DDX4: variants seen among roughly 807,000 people sequenced by gnomAD.
DDX4 encodes DEAD-box helicase 4.
In DDX4, 25 loss-of-function variants were observed where a neutral mutation model predicts 100.0. That is an observed-to-expected ratio of 0.25 (90% CI 0.18 to 0.35). The LOEUF is 0.35. Among genes scored for constraint, DDX4 ranks in the 10% least tolerant of loss-of-function variants. The probability of loss-of-function intolerance (pLI) is 1.00; values close to 1 mark genes in which losing one functional copy is unlikely to be tolerated. For synonymous variants in DDX4, 259 were observed against 275.7 expected, an observed-to-expected ratio of 0.94 and a Z score of 0.60; for missense variants, 635 against 882.4, an observed-to-expected ratio of 0.72 and a Z score of 3.55.
At chr5:55,771,355 A>T (rs1741243478) in intron 7 of DDX4, among the ~76,000 whole-genome samples, 1 of 151,978 alleles carries the variant, frequency 6.6e-6, no homozygotes. Context: ...GCATACGATA[A>T]TTTCGTCTAT....
chr5:55,744,244 T>C (rs551569782), intron 2 of DDX4, among the ~76,000 whole-genome samples: 2 of 152,308 alleles, frequency 1.3e-5, no homozygotes, highest in African/African-American at 4.8e-5. Flanking sequence ...TGGTGCATTC[T>C]CTCTAGGTTT....
chr5:55,754,205 C>T (rs1018892410), intron 3 of DDX4, among the ~76,000 whole-genome samples: 25 of 150,766 alleles, frequency 1.7e-4, no homozygotes, highest in African/African-American at 5.6e-4. Context: ...ACTTCCAACA[C>T]TATGTTGAAT....
chr5:55,809,791 TGAA>T (rs1744003122), intron 18 of DDX4, among the ~76,000 whole-genome samples: 1 of 152,204 alleles, frequency 6.6e-6, no homozygotes, highest in African/African-American at 2.4e-5. Context: ...GAAGAACCAC[TGAA>T]GAAGATGTTA....
At chr5:55,786,474 TATG>T in intron 13 of DDX4, 41 bp from the exon 14 acceptor site, 1 of 1,474,606 alleles carries the variant, frequency 6.8e-7, no homozygotes. Flanking sequence ...ATGATCTGCA[TATG>T]ATATATAGAA....
chr5:55,748,024 T>A (rs1431415898), intron 3 of DDX4, among the ~76,000 whole-genome samples: 4 of 152,200 alleles, frequency 2.6e-5, no homozygotes, highest in Non-Finnish European at 5.9e-5. Context: ...AGTTTGAGAG[T>A]CAGTTTATCA....
At chr5:55,789,533 A>G (rs1233470396) in intron 15 of DDX4, among the ~76,000 whole-genome samples, 3 of 152,224 alleles carry the variant, frequency 2.0e-5, no homozygotes, top group African/African-American at 7.2e-5. Flanking sequence ...AGGCTGTAAT[A>G]GCTTTTATGA....
chr5:55,775,066 C>G (rs147292000), intron 7 of DDX4, among the ~76,000 whole-genome samples: 114 of 152,254 alleles, frequency 7.5e-4, no homozygotes, highest in African/African-American at 2.6e-3. Context: ...ATTCCATGTT[C>G]TCTATGAAAT....
chr5:55,808,652 A>G (rs1743909971), intron 18 of DDX4, among the ~76,000 whole-genome samples: 1 of 152,174 alleles, frequency 6.6e-6, no homozygotes, highest in Admixed American at 6.5e-5. Context: ...AACAGCAGAT[A>G]TTGCTACCTG....
At chr5:55,801,268 C>G (rs1743286235) in intron 18 of DDX4, among the ~76,000 whole-genome samples, 1 of 147,712 alleles carries the variant, frequency 6.8e-6, no homozygotes, top group Non-Finnish European at 1.5e-5. Context: ...AGCTCATCAG[C>G]TATCAGTAGT....
At chr5:55,740,091 A>G (rs1435372576) in intron 2 of DDX4, among the ~76,000 whole-genome samples, 1 of 152,134 alleles carries the variant, frequency 6.6e-6, no homozygotes, top group African/African-American at 2.4e-5. Flanking sequence ...AAAAGTGGAG[A>G]AAGTCACCTA....
chr5:55,747,031 A>AAT (rs1759280652), intron 3 of DDX4, among the ~76,000 whole-genome samples: 1 of 152,186 alleles, frequency 6.6e-6, no homozygotes, highest in Admixed American at 6.5e-5. Flanking sequence ...CAGGAGATCA[A>AAT]ATGATCATTT....
intron 3 of DDX4, among the ~76,000 whole-genome samples, chr5:55,752,179 C>A (rs914994512): frequency 6.6e-6 from 1 of 151,392 alleles, no homozygotes; most frequent in East Asian, 1.9e-4. Context: ...TAATTTTTTT[C>A]TTTTCTATTT....
chr5:55,785,386 A>C (rs781275293), intron 11 of DDX4, 42 bp downstream of exon 11: 2 of 1,584,386 alleles, frequency 1.3e-6, no homozygotes, highest in South Asian at 2.2e-5. Context: ...TTATAGTGAG[A>C]GTTCTTTTAC....
At chr5:55,811,273 A>G (rs1744111715) in intron 18 of DDX4, among the ~76,000 whole-genome samples, 1 of 152,164 alleles carries the variant, frequency 6.6e-6, no homozygotes, top group African/African-American at 2.4e-5. Context: ...GATAAAATTC[A>G]GTTTCCAAGT....
intron 6 of DDX4, chr5:55,767,079 T>G: frequency 7.4e-7 from 1 of 1,353,552 alleles, no homozygotes; most frequent in Non-Finnish European, 9.7e-7. Flanking sequence ...CCCAAATTAT[T>G]TCATTAGCAT....
intron 15 of DDX4, among the ~76,000 whole-genome samples, chr5:55,789,099 T>C (rs1389792877): frequency 6.6e-6 from 1 of 152,196 alleles, no homozygotes; most frequent in Non-Finnish European, 1.5e-5. Flanking sequence ...TTAAGTATTT[T>C]CTTAGAATAG....
chr5:55,754,388 G>T (rs1759789016), intron 3 of DDX4, among the ~76,000 whole-genome samples: 1 of 100,164 alleles, frequency 1.0e-5, no homozygotes, highest in African/African-American at 3.9e-5. Context: ...ATGAAGGGTT[G>T]TTGAATTTTG....
At position 55,752,633 on chromosome 5, in the gene DDX4, G is replaced by A. The variant is rs13185156; in HGVS notation, c.127+6412G>A. Among the ~76,000 whole-genome samples, 1,425 of 147,492 alleles carry A rather than the reference G, an allele frequency of 9.7e-3. 25 individuals are homozygous for A. Among genetic ancestry groups the A allele is most frequent in the African/African-American group, 0.035 (1,341 of 38,676 alleles). On this transcript the variant is annotated intron_variant, in intron 3 of 21. Coordinates refer to ENST00000505374, the MANE Select transcript of DDX4 (RefSeq NM_024415.3). Reference sequence around the variant, plus strand: ...AGTCTTTGCTGTCGTGAGTAATGCCGCAATAAACATACGTGTGCATGTGTC... The same window carrying A: ...AGTCTTTGCTGTCGTGAGTAATGCCACAATAAACATACGTGTGCATGTGTC...
At chr5:55,774,180 C>T (rs545432365) in intron 7 of DDX4, among the ~76,000 whole-genome samples, 3 of 150,230 alleles carry the variant, frequency 2.0e-5, no homozygotes, top group Non-Finnish European at 4.4e-5. Context: ...GACAGAGTCT[C>T]GCTCTGTCAC....
Sources: gnomAD v4.1 joint callset for allele counts (sites outside exome capture counted in the v4.1 genomes callset) on GRCh38, gnomAD v4.1.1 for gene constraint, MANE v1.5 for transcripts, NCBI Gene and HGNC (gene_info 2026-07-23, HGNC 2026-07-21) for gene names.